Variants in DQX1 observed in about 807,000 individuals in gnomAD.
DQX1 encodes ATP-dependent RNA helicase homolog DQX1.
DQX1 carries 66 observed loss-of-function variants against 81.3 expected under a neutral mutation model. The ratio of observed to expected loss-of-function variants is 0.81; its 90% CI spans 0.67 to 1.00. The LOEUF (loss-of-function observed/expected upper bound fraction) is 1.00, where lower values mean the gene tolerates loss of function less well. Among genes scored for constraint, DQX1 ranks in the 50% least tolerant of loss-of-function variants. DQX1 has a pLI of 0.00. For missense variants in DQX1, 798 were observed against 867.9 expected (o/e 0.92, Z 1.01); for synonymous variants, 290 against 350.0 (o/e 0.83, Z 1.91).
Position 74,525,848 on chromosome 2 carries a change from T to C in DQX1, c.-19-100A>G. 2.5e-6 allele frequency: 2 copies of C among 809,892 alleles called. No individual in the cohort carries two copies. The highest frequency in any genetic ancestry group is 3.8e-6 in the Non-Finnish European group (2 of 520,506). 50.2% of individuals were successfully genotyped at this position (809,892 alleles called of 1,614,324 possible). On this transcript the variant is annotated intron_variant, in intron 1 of 11. Coordinates refer to ENST00000404568, the MANE Select transcript of DQX1 (RefSeq NM_133637.3). The surrounding 1 kb of genome is among the most constrained non-coding windows in gnomAD (Gnocchi z 4.1). ...AACCTCTACCTTCAGTTGATCATGCTCTGGGGCCCACCCTTCCCAGCATTT... is the reference window on the plus strand; with the variant it reads ...AACCTCTACCTTCAGTTGATCATGCCCTGGGGCCCACCCTTCCCAGCATTT...
Position 74,525,165 on chromosome 2 carries a change from C to T in DQX1, c.275G>A (p.Gly92Glu). The change falls in exon 3 of 12, where the codon GGG becomes GAG. Residue 92 changes from glycine to glutamate, a missense_variant. By Grantham distance (98) the Gly-to-Glu change is moderately conservative. Transcript: ENST00000404568. This position sits in a 1 kb window ranked among gnomAD's most constrained non-coding sequence, Gnocchi z 4.1. ...QWCAEFALAR[G>E]FQKGQVTVTQ... ...AACAGTAACCTGTCCTTTCTGGAAC[C>T]CTCTGGCCAGCGCAAACTCTGCACA... 1 of 1,606,872 alleles carries T rather than the reference C, an allele frequency of 6.2e-7. No individual in the cohort carries two copies. Among genetic ancestry groups the T allele is most frequent in the South Asian group, 1.1e-5 (1 of 90,350 alleles).
chr2:74,523,686 T>TGAAC, intron 4 of DQX1, 149 bp from the exon 5 acceptor site: 1 of 963,932 alleles, frequency 1.0e-6, no homozygotes, highest in Non-Finnish European at 1.5e-6. Flanking sequence ...TTTCAGGGGT[T>TGAAC]CACTGAATCA....
In DQX1 at chr2:74,523,347, A is replaced by T. The variant is rs759787740; in HGVS notation, c.1007T>A (p.Ile336Asn). ...LADFSFSLPS[I>N]QHVIDSGLEL... ...CAGTCCTGAGTCGATGACATGTTGG[A>T]TGGAAGGGAGGGAGAAGGAGAAGTC... The change falls in exon 5 of 12, where the codon ATC (isoleucine) becomes AAC (asparagine). Residue 336 changes from isoleucine (I) to asparagine (N), a missense_variant. Coordinates refer to ENST00000404568, the MANE Select transcript of DQX1 (RefSeq NM_133637.3). 9.9e-6 allele frequency: 16 copies of T among 1,613,978 alleles called. No homozygotes were observed. Among genetic ancestry groups the T allele is most frequent in the African/African-American group, 1.3e-5 (1 of 74,878 alleles).
At chr2:74,521,958 A>G (rs1452062349) in intron 8 of DQX1, among the ~76,000 whole-genome samples, 2 of 152,226 alleles carry the variant, frequency 1.3e-5, no homozygotes, top group Non-Finnish European at 2.9e-5. Context: ...AGTTCAGGGA[A>G]TAGAAGACAA....
At position 74,524,124 on chromosome 2, in the gene DQX1, G is replaced by T. The variant is rs773987360; in HGVS notation, c.615C>A (p.Asp205Glu). The change falls in exon 4 of 12, where the codon GAC becomes GAA. Residue 205 changes from aspartate (D) to glutamate (E), a missense_variant. Coordinates refer to ENST00000404568, the MANE Select transcript of DQX1 (RefSeq NM_133637.3). ...CTCGGAGCTTAGGTTCAAGGGCTGG[G>T]TCAGTAACCACAACCACTCTGAGGT... ...PGDLRVVVVT[D>E]PALEPKLRAF... The T allele has an allele frequency of 1.2e-6, 2 of 1,614,158 alleles. No individual in the cohort carries two copies. Among genetic ancestry groups the T allele is most frequent in the South Asian group, 1.1e-5 (1 of 91,074 alleles).
In DQX1 at chr2:74,524,187, C is replaced by A; in HGVS notation, c.552G>T (p.Gly184=). The change falls in exon 4 of 12, where the codon GGG becomes GGT. Residue 184 remains glycine, a synonymous_variant. Coordinates refer to ENST00000404568, the MANE Select transcript of DQX1 (RefSeq NM_133637.3). The part of the protein sequence containing the change: ...ERSVASDSLQ[G]LLQDARLEKL... The stretch of plus-strand genomic sequence containing the variant: ...TTTCCAGCCTGGCATCTTGCAGTAG[C>A]CCCTGGAGTGAATCTGATGCCACCG... 6.2e-7 allele frequency: 1 copy of A among 1,614,172 alleles called. No individual in the cohort carries two copies. Among genetic ancestry groups the A allele is most frequent in the Non-Finnish European group, 8.5e-7 (1 of 1,180,014 alleles).
In DQX1 at chr2:74,525,082, C is replaced by T. The variant is rs1479868288; in HGVS notation, c.358G>A (p.Asp120Asn). The T allele has an allele frequency of 1.9e-6, 3 of 1,613,986 alleles. No homozygotes were observed. Among genetic ancestry groups the T allele is most frequent in the Non-Finnish European group, 2.5e-6 (3 of 1,180,006 alleles). The change falls in exon 3 of 12, where the codon GAC (aspartate) becomes AAC (asparagine). Residue 120 changes from aspartate (D) to asparagine (N), a missense_variant. Asp to Asn is a conservative substitution (Grantham distance 23, BLOSUM62 1). Transcript: ENST00000404568. This position sits in a 1 kb window ranked among gnomAD's most constrained non-coding sequence, Gnocchi z 4.1. ...CCAACCTCATGACCCAGGGTCAGGT[C>T]CATCTCATCAGCAACCCGCAGAGCC... ...SLALRVADEM[D>N]LTLGHEVGYS...
rs1674983476 is a variant in DQX1, at chr2:74,519,950, C to T, written c.1580G>A (p.Ser527Asn). Reference sequence around the variant, plus strand: ...GGCTTCATACACCTGGATCAGAGAACTGTGGTCACCATCCGTGTGTTCCAG... The same window carrying T: ...GGCTTCATACACCTGGATCAGAGAATTGTGGTCACCATCCGTGTGTTCCAG... ...RALEHTDGDH[S>N]SLIQVYEAFI... Residue 527 changes from serine (S) to asparagine (N), a missense_variant, in exon 9 of 12, where the codon AGT (serine) becomes AAT (asparagine). Ser to Asn is a conservative substitution (Grantham distance 46). Coordinates refer to ENST00000404568, the MANE Select transcript of DQX1 (RefSeq NM_133637.3). 1 of 1,614,228 alleles carries T rather than the reference C, an allele frequency of 6.2e-7. No individual in the cohort carries two copies. The highest frequency in any genetic ancestry group is 8.5e-7 in the Non-Finnish European group (1 of 1,180,024).
rs1200161197 is a variant in DQX1 at position 74,525,143 on chromosome 2, A to G, written c.297T>C (p.Thr99=). ...CTGCAAGAGGGTAGGGCTGAGTAAC[A>G]GTAACCTGTCCTTTCTGGAACCCTC... The part of the protein sequence containing the change: ...LARGFQKGQV[T]VTQPYPLAAR... Residue 99 remains threonine (T), a synonymous_variant, in exon 3 of 12, where the codon ACT becomes ACC. Coordinates refer to ENST00000404568, the MANE Select transcript of DQX1 (RefSeq NM_133637.3). The surrounding 1 kb of genome is among the most constrained non-coding windows in gnomAD (Gnocchi z 4.1). 15 of 1,613,026 alleles carry G rather than the reference A, an allele frequency of 9.3e-6. No individual in the cohort carries two copies. In the Admixed American group the frequency reaches 2.3e-4, roughly 25 times the overall value.
rs758700719 is a variant in DQX1, at chr2:74,524,076, A to G, written c.663T>C (p.Ile221=). ...CACCAGGCTCTCTGGGTATATGCACAATAGGAGGATTGCCCCAGAAAGCTC... is the reference window on the plus strand; with the variant it reads ...CACCAGGCTCTCTGGGTATATGCACGATAGGAGGATTGCCCCAGAAAGCTC... ...KLRAFWGNPP[I]VHIPREPGER... is the part of the protein sequence containing the mutation. The change falls in exon 4 of 12, where the codon ATT becomes ATC. Residue 221 remains isoleucine, a synonymous_variant. Coordinates refer to ENST00000404568, the MANE Select transcript of DQX1 (RefSeq NM_133637.3). The G allele has an allele frequency of 1.2e-5, 20 of 1,614,052 alleles. No homozygotes were observed. Among genetic ancestry groups the G allele is most frequent in the Non-Finnish European group, 1.5e-5 (18 of 1,180,034 alleles).
rs764526320 is a variant in DQX1 at position 74,519,677 on chromosome 2, A to G, written c.1685T>C (p.Leu562Pro). 1 of 1,614,192 alleles carries G rather than the reference A, an allele frequency of 6.2e-7. No homozygotes were observed. The highest frequency in any genetic ancestry group is 1.7e-5 in the Admixed American group (1 of 60,012). Reference sequence around the variant, plus strand: ...CATGAGTTCTAGGAGTTCTCCCCGAAGTTTATGGGCTTGGCACAATGCTGC... The same window carrying G: ...CATGAGTTCTAGGAGTTCTCCCCGAGGTTTATGGGCTTGGCACAATGCTGC... ...NWAALCQAHK[L>P]RGELLELMQR... is the part of the protein sequence containing the mutation. The change falls in exon 10 of 12, where the codon CTT (leucine) becomes CCT (proline). Residue 562 changes from leucine to proline, a missense_variant. Leu to Pro is a moderately conservative substitution (Grantham distance 98). Coordinates refer to ENST00000404568, the MANE Select transcript of DQX1 (RefSeq NM_133637.3).
At position 74,519,765 on chromosome 2, in the gene DQX1, C is replaced by G. The variant is rs762205722; in HGVS notation, c.1616-19G>C. On this transcript the variant is annotated intron_variant, in intron 9 of 11. Coordinates refer to ENST00000404568, the MANE Select transcript of DQX1 (RefSeq NM_133637.3). ...GCTCCACCTAGGAGAGGAAAGGGAC[C>G]AGCTAAACTAAAGTCCTTGAGACCC... 2 of 1,613,428 alleles carry G rather than the reference C, an allele frequency of 1.2e-6. No individual in the cohort carries two copies. The highest frequency in any genetic ancestry group is 1.7e-6 in the Non-Finnish European group (2 of 1,179,554).
At position 74,525,711 on chromosome 2, in the gene DQX1, TGA is replaced by T. The variant is rs1460052916; in HGVS notation, c.17_18del (p.Leu6GlnfsTer14). 1.9e-6 allele frequency: 3 copies of T among 1,551,508 alleles called. No homozygotes were observed. Among genetic ancestry groups the T allele is most frequent in the Admixed American group, 3.9e-5 (2 of 51,002 alleles). On this transcript the variant is annotated frameshift_variant, in exon 2 of 12. Transcript: ENST00000404568. LOFTEE classifies it high-confidence loss of function. The surrounding 1 kb of genome is among the most constrained non-coding windows in gnomAD (Gnocchi z 4.1). ...CTTGGGCCATACTCTTCTGCTAGCCTGAGAGGCTGAGAGGTCATGGTGGCTCT... is the reference window on the plus strand; with the variant it reads ...CTTGGGCCATACTCTTCTGCTAGCCTGAGGCTGAGAGGTCATGGTGGCTCT... MTSQP[L>X]RLAEEYGPSP...
At chr2:74,518,638 TTCTCTC>T (rs370319237) in intron 11 of DQX1, 36 bp from the exon 12 acceptor site, 1 of 1,601,250 alleles carries the variant, frequency 6.2e-7, no homozygotes, top group African/African-American at 1.3e-5. Flanking sequence ...GATCTGCATC[TTCTCTC>T]TCTCTGTCTC....
intron 4 of DQX1, 104 bp downstream of exon 4, chr2:74,523,819 C>T (rs1199438576): frequency 7.1e-7 from 1 of 1,409,770 alleles, no homozygotes; most frequent in African/African-American, 1.4e-5. Context: ...TCCTAAGAGG[C>T]ATTGCTCCCA....
In DQX1 at chr2:74,524,241, C is replaced by A. The variant is rs879075787; in HGVS notation, c.498G>T (p.Val166=). Residue 166 remains valine (V), a synonymous_variant, in exon 4 of 12, where the codon GTG becomes GTT. Coordinates refer to ENST00000404568, the MANE Select transcript of DQX1 (RefSeq NM_133637.3). ...ASTRGTGAWG[V]LVLDEAQERS... ...GCTCCTGAGCCTCATCTAGTACCAG[C>A]ACGCCCCAGGCTCCAGTGCCTCGGG... is the stretch of plus-strand genomic sequence containing the variant. 7 of 1,614,130 alleles carry A rather than the reference C, an allele frequency of 4.3e-6. No individual in the cohort carries two copies. Among genetic ancestry groups the A allele is most frequent in the Non-Finnish European group, 5.9e-6 (7 of 1,180,036 alleles).
intron 8 of DQX1, among the ~76,000 whole-genome samples, chr2:74,522,191 G>T (rs1045904263): frequency 1.3e-5 from 2 of 152,186 alleles, no homozygotes; most frequent in Non-Finnish European, 2.9e-5. Context: ...CACTGGATTA[G>T]GTACCTGGAA....
At position 74,523,313 on chromosome 2, in the gene DQX1, TC is replaced by T; in HGVS notation, c.1040del (p.Arg347GlnfsTer15). On this transcript the variant is annotated frameshift_variant, in exon 5 of 12. Transcript: ENST00000404568. LOFTEE classifies it high-confidence loss of function. Reference sequence around the variant, plus strand: ...GCTATCTCTCTCTCTCACTCACACTTCGGAGCTCCAGTCCTGAGTCGATGAC... The same window carrying T: ...GCTATCTCTCTCTCTCACTCACACTTGGAGCTCCAGTCCTGAGTCGATGAC... ...QHVIDSGLEL[R>X]SVYNPRIRAE... 6.2e-7 allele frequency: 1 copy of T among 1,614,078 alleles called. No individual in the cohort carries two copies.
chr2:74,523,347 A>G lies in DQX1; in HGVS notation c.1007T>C (p.Ile336Thr). Residue 336 changes from isoleucine (I) to threonine (T), a missense_variant, in exon 5 of 12, where the codon ATC (isoleucine) becomes ACC (threonine). Ile to Thr is a moderately conservative substitution (Grantham distance 89). Coordinates refer to ENST00000404568, the MANE Select transcript of DQX1 (RefSeq NM_133637.3). ...LADFSFSLPS[I>T]QHVIDSGLEL... ...CAGTCCTGAGTCGATGACATGTTGG[A>G]TGGAAGGGAGGGAGAAGGAGAAGTC... is the stretch of plus-strand genomic sequence containing the variant. 1.2e-6 allele frequency: 2 copies of G among 1,614,096 alleles called. No individual in the cohort carries two copies. Among genetic ancestry groups the G allele is most frequent in the South Asian group, 2.2e-5 (2 of 91,082 alleles).
Sources: allele counts gnomAD v4.1 joint callset (sites outside exome capture counted in the v4.1 genomes callset), GRCh38; gene constraint gnomAD v4.1.1; non-coding constraint Gnocchi (gnomAD v3.1); transcripts MANE v1.5; gene names NCBI Gene and HGNC (gene_info 2026-07-23, HGNC 2026-07-21).